Variants in LRP1B observed in about 807,000 individuals in gnomAD.
LRP1B encodes the protein low-density lipoprotein receptor-related protein 1B.
Under a neutral mutation model 556.6 loss-of-function variants are expected in LRP1B, and 217 were observed. That is an observed-to-expected ratio of 0.39 (90% CI 0.35 to 0.44). The LOEUF (loss-of-function observed/expected upper bound fraction) is 0.44. Ranked by LOEUF, LRP1B falls within the 20% of genes least tolerant of loss-of-function variation. LRP1B has a pLI of 1.00. For synonymous variants in LRP1B, 2,047 were observed against 1,865.8 expected, an observed-to-expected ratio of 1.10 and a Z score of -2.50; for missense variants, 5,053 against 5,620.8, an observed-to-expected ratio of 0.90 and a Z score of 3.23.
chr2:140,582,807 G>A (rs572566314), intron 43 of LRP1B, among the ~76,000 whole-genome samples: 1 of 152,054 alleles, frequency 6.6e-6, no homozygotes, highest in African/African-American at 2.4e-5. Flanking sequence ...AAGCATAAAC[G>A]GACTAAGATA....
rs139691630 is a variant in LRP1B at position 141,915,744 on chromosome 2, A to G, written c.83-105343T>C. Among the ~76,000 whole-genome samples, 860 of 152,318 alleles carry G rather than the reference A, an allele frequency of 5.6e-3. 10 individuals are homozygous for G. Among genetic ancestry groups the G allele is most frequent in the African/African-American group, 0.02 (831 of 41,564 alleles). On this transcript the variant is annotated intron_variant, in intron 1 of 90. Coordinates refer to ENST00000389484, the MANE Select transcript of LRP1B (RefSeq NM_018557.3). ...AACTTAAACAATTCAACCAATAAAA[A>G]ACAAATAACCATTCAAAAGTGGGCA...
intron 77 of LRP1B, among the ~76,000 whole-genome samples, chr2:140,336,801 C>T (rs773020808): frequency 6.6e-6 from 1 of 151,768 alleles, no homozygotes; most frequent in Non-Finnish European, 1.5e-5. Flanking sequence ...ATTTTCTGTG[C>T]CCTTCAATTA....
chr2:141,781,007 C>A (rs550574516), intron 2 of LRP1B, among the ~76,000 whole-genome samples: 1 of 152,110 alleles, frequency 6.6e-6, no homozygotes, highest in East Asian at 1.9e-4. Flanking sequence ...GGGATGTAGG[C>A]ATGAGGGTAG....
rs141908601 is a variant in LRP1B, at chr2:142,106,321, A to G, written c.82+24327T>C. Among the ~76,000 whole-genome samples, 1,179 of 152,336 alleles carry G rather than the reference A, an allele frequency of 7.7e-3. 19 individuals are homozygous for G. The highest frequency in any genetic ancestry group is 0.026 in the African/African-American group (1,098 of 41,578). On this transcript the variant is annotated intron_variant, in intron 1 of 90. Transcript: ENST00000389484. ...CTTTGATTATTACTATTGTGGAATA[A>G]TTAAGTTTTAATTCTGTAAAGTGCT... is the stretch of plus-strand genomic sequence containing the variant.
At chr2:140,850,666 C>T (rs1692429993) in intron 28 of LRP1B, among the ~76,000 whole-genome samples, 1 of 151,846 alleles carries the variant, frequency 6.6e-6, no homozygotes, top group African/African-American at 2.4e-5. Context: ...TACGTAATTA[C>T]TACAATATTG....
chr2:141,815,225 G>A (rs1241377187), intron 1 of LRP1B, among the ~76,000 whole-genome samples: 2 of 152,166 alleles, frequency 1.3e-5, no homozygotes, highest in African/African-American at 2.4e-5. Context: ...AAATGAAATA[G>A]ATTGATTTTT....
intron 11 of LRP1B, among the ~76,000 whole-genome samples, chr2:141,037,054 C>T (rs1698554296): frequency 6.6e-6 from 1 of 151,912 alleles, no homozygotes; most frequent in South Asian, 2.1e-4. Context: ...ATGAATCTTC[C>T]ACTTAGTAAC....
chr2:141,709,886 C>T (rs767978296), intron 2 of LRP1B, among the ~76,000 whole-genome samples: 108 of 152,118 alleles, frequency 7.1e-4, no homozygotes, highest in Non-Finnish European at 1.3e-3. Context: ...GCTGGAAGTG[C>T]AAGATCAAGA....
chr2:141,374,886 G>C (rs1382572060), intron 3 of LRP1B, among the ~76,000 whole-genome samples: 1 of 152,088 alleles, frequency 6.6e-6, no homozygotes, highest in Non-Finnish European at 1.5e-5. Flanking sequence ...TTTTTTATTA[G>C]AATCAGTTGC....
chr2:140,676,144 G>A (rs957312399), intron 41 of LRP1B, among the ~76,000 whole-genome samples: 1 of 152,284 alleles, frequency 6.6e-6, no homozygotes, highest in Admixed American at 6.5e-5. Context: ...CATTCCTGGG[G>A]AGGAGTTATT....
At chr2:140,537,536 G>A (rs1558952226) in intron 45 of LRP1B, among the ~76,000 whole-genome samples, 1 of 151,970 alleles carries the variant, frequency 6.6e-6, no homozygotes, top group Non-Finnish European at 1.5e-5. Context: ...TGTGTGGGAG[G>A]TTCCCGGGAG....
At chr2:140,312,618 AATT>A (rs1684354399) in intron 83 of LRP1B, among the ~76,000 whole-genome samples, 1 of 151,876 alleles carries the variant, frequency 6.6e-6, no homozygotes, top group Non-Finnish European at 1.5e-5. Flanking sequence ...CTCTGATTTC[AATT>A]ATTTTGTCAA....
intron 66 of LRP1B, among the ~76,000 whole-genome samples, chr2:140,429,018 C>A (rs544304407): frequency 1.7e-4 from 26 of 152,208 alleles, no homozygotes; most frequent in African/African-American, 5.3e-4. Context: ...TGTATCCCCC[C>A]ACCTTAACCC....
intron 74 of LRP1B, among the ~76,000 whole-genome samples, chr2:140,356,721 CTG>C (rs1428108166): frequency 2.0e-5 from 3 of 151,708 alleles, no homozygotes; most frequent in African/African-American, 7.2e-5. Flanking sequence ...TTTAGAGCTG[CTG>C]TTAAGCTGTA....
At chr2:140,979,957 C>T (rs1696719398) in intron 18 of LRP1B, among the ~76,000 whole-genome samples, 1 of 152,026 alleles carries the variant, frequency 6.6e-6, no homozygotes, top group African/African-American at 2.4e-5. Context: ...GCCCTCCCAA[C>T]CCTTCTTCGC....
At chr2:142,007,569 T>C (rs987693755) in intron 1 of LRP1B, among the ~76,000 whole-genome samples, 2 of 152,262 alleles carry the variant, frequency 1.3e-5, no homozygotes, top group South Asian at 2.1e-4. Context: ...AAGGAAAGAA[T>C]CTATTTATTT....
chr2:141,460,994 C>A (rs190741810), intron 3 of LRP1B, among the ~76,000 whole-genome samples: 2 of 151,456 alleles, frequency 1.3e-5, no homozygotes, highest in Admixed American at 1.3e-4. Flanking sequence ...CTTGGGTACA[C>A]ATAGCCAACT....
chr2:141,305,403 G>A (rs984310538), intron 3 of LRP1B, among the ~76,000 whole-genome samples: 4 of 152,006 alleles, frequency 2.6e-5, no homozygotes, highest in East Asian at 3.8e-4. Context: ...TTCATTATTG[G>A]AATACAGAAT....
At chr2:141,160,368 G>T (rs191737687) in intron 7 of LRP1B, among the ~76,000 whole-genome samples, 3 of 152,066 alleles carry the variant, frequency 2.0e-5, no homozygotes, top group Non-Finnish European at 4.4e-5. Context: ...AGTTAAACAT[G>T]AATTTACCAT....
Sources: gnomAD v4.1 joint callset for allele counts (sites outside exome capture counted in the v4.1 genomes callset) on GRCh38, gnomAD v4.1.1 for gene constraint, MANE v1.5 for transcripts, NCBI Gene and HGNC (gene_info 2026-07-23, HGNC 2026-07-21) for gene names.